PRKCA: variants seen among roughly 807,000 people sequenced by gnomAD.
PRKCA encodes protein kinase C alpha type.
A neutral mutation model predicts 87.0 loss-of-function variants in PRKCA; 27 were observed. The ratio of observed to expected loss-of-function variants is 0.31; its 90% CI spans 0.23 to 0.43. PRKCA has a LOEUF of 0.43. PRKCA is among the 20% of genes least tolerant of loss of function. The probability of loss-of-function intolerance (pLI) is 1.00; values close to 1 mark genes in which losing one functional copy is unlikely to be tolerated. For missense variants in PRKCA, 518 were observed against 852.3 expected (o/e 0.61, Z 4.88); for synonymous variants, 329 against 311.1 (o/e 1.06, Z -0.61).
At chr17:66,411,126 C>T (rs1911772550) in intron 2 of PRKCA, among the ~76,000 whole-genome samples, 1 of 151,990 alleles carries the variant, frequency 6.6e-6, no homozygotes, top group South Asian at 2.1e-4. Flanking sequence ...GGCTGAAGTG[C>T]AGTGGTGCAG....
chr17:66,349,106 C>T (rs955483181), intron 2 of PRKCA, among the ~76,000 whole-genome samples: 1 of 152,152 alleles, frequency 6.6e-6, no homozygotes, highest in South Asian at 2.1e-4. Context: ...ATCTTAGCTG[C>T]GTCCATCAAG....
chr17:66,504,025 G>C (rs939052435), intron 3 of PRKCA, among the ~76,000 whole-genome samples: 2 of 152,152 alleles, frequency 1.3e-5, no homozygotes, highest in Non-Finnish European at 2.9e-5. Flanking sequence ...GAGAGTCCTG[G>C]AGTGGGAATT....
intron 3 of PRKCA, among the ~76,000 whole-genome samples, chr17:66,538,676 G>A (rs1967873995): frequency 6.6e-6 from 1 of 152,202 alleles, no homozygotes; most frequent in South Asian, 2.1e-4. Flanking sequence ...GTAAATGGCA[G>A]CTGTTTTTAT....
chr17:66,461,205 CAA>C (rs34496253), intron 2 of PRKCA, among the ~76,000 whole-genome samples: 47 of 92,988 alleles, frequency 5.1e-4, no homozygotes, highest in African/African-American at 1.5e-3. Context: ...GACCCCATCT[CAA>C]AAAAAAAAAA....
chr17:66,378,642 G>A (rs976343385), intron 2 of PRKCA, among the ~76,000 whole-genome samples: 11 of 152,126 alleles, frequency 7.2e-5, no homozygotes, highest in African/African-American at 2.7e-4. Context: ...TCTCACGCCT[G>A]TAATCCTAGC....
chr17:66,496,255 C>A lies in PRKCA; in HGVS notation c.260C>A (p.Pro87Gln). ...CATGAATTTGTTACTTTTTCTTGTCCGGGTGCGGATAAGGGACCCGACACT... is the reference window on the plus strand; with the variant it reads ...CATGAATTTGTTACTTTTTCTTGTCAGGGTGCGGATAAGGGACCCGACACT... ...RCHEFVTFSC[P>Q]GADKGPDTDD... The change falls in exon 3 of 17, where the codon CCG becomes CAG. Residue 87 changes from proline to glutamine, a missense_variant. Pro to Gln is a moderately conservative substitution (Grantham distance 76). Around this residue, in one of 5 missense-constraint regions of PRKCA, gnomAD observed 300 missense variants for 496.8 expected, o/e 0.60. Coordinates refer to ENST00000413366, the MANE Select transcript of PRKCA (RefSeq NM_002737.3). 1 of 1,613,900 alleles carries A rather than the reference C, an allele frequency of 6.2e-7. No homozygotes were observed. Among genetic ancestry groups the A allele is most frequent in the Non-Finnish European group, 8.5e-7 (1 of 1,179,892 alleles).
chr17:66,566,769 G>T (rs530102815), intron 3 of PRKCA, among the ~76,000 whole-genome samples: 1 of 152,178 alleles, frequency 6.6e-6, no homozygotes, highest in East Asian at 1.9e-4. Flanking sequence ...CATCAGATTT[G>T]CTTTCCTGGT....
intron 5 of PRKCA, among the ~76,000 whole-genome samples, chr17:66,649,755 G>A (rs1035609839): frequency 6.6e-6 from 1 of 152,098 alleles, no homozygotes; most frequent in African/African-American, 2.4e-5. Context: ...TTAAAACCAG[G>A]GGAGAAAAGA....
chr17:66,739,107 C>T (rs1974101717), intron 11 of PRKCA, among the ~76,000 whole-genome samples: 1 of 152,138 alleles, frequency 6.6e-6, no homozygotes, highest in Non-Finnish European at 1.5e-5. Flanking sequence ...GTCCCGAACT[C>T]CTGAGCTCAA....
chr17:66,676,128 C>T (rs1972321776), intron 5 of PRKCA, among the ~76,000 whole-genome samples: 1 of 152,130 alleles, frequency 6.6e-6, no homozygotes, highest in Admixed American at 6.5e-5. Context: ...GAACTGGCAG[C>T]TTCTTAGACC....
intron 8 of PRKCA, among the ~76,000 whole-genome samples, chr17:66,728,942 C>G (rs1973820500): frequency 6.6e-6 from 1 of 152,234 alleles, no homozygotes; most frequent in South Asian, 2.1e-4. Flanking sequence ...CATCTCAGAT[C>G]AGCAAGTCAG....
At chr17:66,503,710 G>A (rs760077201) in intron 3 of PRKCA, among the ~76,000 whole-genome samples, 1 of 152,012 alleles carries the variant, frequency 6.6e-6, no homozygotes, top group Non-Finnish European at 1.5e-5. Context: ...GTCCTTTTCA[G>A]TGTCTTAGAA....
At chr17:66,505,671 G>A (rs1256530703) in intron 3 of PRKCA, among the ~76,000 whole-genome samples, 1 of 152,126 alleles carries the variant, frequency 6.6e-6, no homozygotes, top group African/African-American at 2.4e-5. Flanking sequence ...GCCTTTTGAG[G>A]TGGGTAGAAT....
intron 3 of PRKCA, among the ~76,000 whole-genome samples, chr17:66,562,072 A>T (rs867522718): frequency 1.4e-4 from 14 of 102,908 alleles, no homozygotes; most frequent in Non-Finnish European, 2.0e-4. Flanking sequence ...ATATATAATT[A>T]AATTATATAT....
intron 3 of PRKCA, among the ~76,000 whole-genome samples, chr17:66,620,178 A>G (rs1970635945): frequency 6.6e-6 from 1 of 152,206 alleles, no homozygotes; most frequent in Non-Finnish European, 1.5e-5. Flanking sequence ...CTTCTTTCTA[A>G]CTCAGTGAAA....
chr17:66,452,253 C>T (rs1187557283), intron 2 of PRKCA, among the ~76,000 whole-genome samples: 2 of 152,158 alleles, frequency 1.3e-5, no homozygotes, highest in African/African-American at 2.4e-5. Context: ...TTGAAGTCTT[C>T]ATCTTTTTCT....
chr17:66,542,241 T>G (rs915968321), intron 3 of PRKCA, among the ~76,000 whole-genome samples: 1 of 152,226 alleles, frequency 6.6e-6, no homozygotes, highest in African/African-American at 2.4e-5. Flanking sequence ...TCTTTCTTTA[T>G]GCTTAGGATT....
At chr17:66,458,504 G>T (rs1914683028) in intron 2 of PRKCA, among the ~76,000 whole-genome samples, 1 of 151,574 alleles carries the variant, frequency 6.6e-6, no homozygotes, top group African/African-American at 2.4e-5. Context: ...TTTTGAGACG[G>T]GGTTTCTATT....
At chr17:66,331,762 A>G (rs1276381890) in intron 2 of PRKCA, among the ~76,000 whole-genome samples, 5 of 152,216 alleles carry the variant, frequency 3.3e-5, no homozygotes, top group Admixed American at 2.0e-4. Context: ...GTTGGAACAT[A>G]CAGACATAAG....
Sources: gnomAD v4.1 joint callset for allele counts (sites outside exome capture counted in the v4.1 genomes callset) on GRCh38, gnomAD v4.1.1 for gene constraint, gnomAD v4.1.1 regional missense constraint, MANE v1.5 for transcripts, NCBI Gene and HGNC (gene_info 2026-07-23, HGNC 2026-07-21) for gene names.